SPMIP6: variants seen among roughly 807,000 people sequenced by gnomAD.
The protein encoded by SPMIP6 is ciliated bronchial epithelial protein 1.
At chr9:34,380,941 G>A in the SPMIP6 span, 4 of 1,599,180 alleles carry the variant, frequency 2.5e-6, no homozygotes, top group Non-Finnish European at 3.4e-6. Flanking sequence ...GGCGGCGGTC[G>A]GTGCAGGGCG....
At chr9:34,379,507 A>T in the SPMIP6 span, 1 of 797,310 alleles carries the variant, frequency 1.3e-6, no homozygotes, top group African/African-American at 1.7e-5. This position sits in a 1 kb window ranked among gnomAD's most constrained non-coding sequence, Gnocchi z 4.2. Flanking sequence ...GCTCCATGCC[A>T]CTAGCTCCCC....
the SPMIP6 span, among the ~76,000 whole-genome samples, chr9:34,391,545 ATTG>A: frequency 6.6e-6 from 1 of 152,096 alleles, no homozygotes; most frequent in Non-Finnish European, 1.5e-5. Context: ...TACAGCTTTT[ATTG>A]TACCCCACAA....
the SPMIP6 span, among the ~76,000 whole-genome samples, chr9:34,397,331 G>A: frequency 6.6e-6 from 1 of 152,120 alleles, no homozygotes; most frequent in African/African-American, 2.4e-5. Context: ...GTAATTCCAT[G>A]AAGGCAGGAT....
At chr9:34,387,330 G>T in the SPMIP6 span, among the ~76,000 whole-genome samples, 2 of 152,116 alleles carry the variant, frequency 1.3e-5, no homozygotes, top group African/African-American at 4.8e-5. Flanking sequence ...AGACCTGGTT[G>T]CTCCAAGTGC....
the SPMIP6 span, among the ~76,000 whole-genome samples, chr9:34,389,018 A>G: frequency 2.1e-5 from 3 of 143,056 alleles, no homozygotes; most frequent in East Asian, 6.2e-4. Context: ...TGCAGTCTCT[A>G]CCTCCTGGGC....
the SPMIP6 span, among the ~76,000 whole-genome samples, chr9:34,395,272 T>C: frequency 6.6e-6 from 1 of 152,194 alleles, no homozygotes; most frequent in Non-Finnish European, 1.5e-5. Flanking sequence ...TGGCTTTTCC[T>C]TCATTCTTAA....
At chr9:34,397,553 C>CCTTGATGGAGTGGG in the SPMIP6 span, 14 of 1,613,922 alleles carry the variant, frequency 8.7e-6, no homozygotes, top group Admixed American at 2.3e-4. Flanking sequence ...CCTTATAGAC[C>CCTTGATGGAGTGGG]TCCTTGATGG....
At chr9:34,397,522 C>T in the SPMIP6 span, 19 of 1,614,180 alleles carry the variant, frequency 1.2e-5, no homozygotes, top group South Asian at 2.1e-4. Flanking sequence ...TTGTTGGCTT[C>T]CCAGGCACAC....
At chr9:34,389,072 C>A in the SPMIP6 span, among the ~76,000 whole-genome samples, 2 of 151,800 alleles carry the variant, frequency 1.3e-5, no homozygotes, top group Admixed American at 1.3e-4. Context: ...GCTGGGACTA[C>A]AGGTGCACAC....
At chr9:34,382,144 C>T in the SPMIP6 span, among the ~76,000 whole-genome samples, 1 of 152,120 alleles carries the variant, frequency 6.6e-6, no homozygotes, top group African/African-American at 2.4e-5. Flanking sequence ...TGGCAAGCTT[C>T]GGAAAGGTAG....
At chr9:34,381,848 G>C in the SPMIP6 span, 1 of 920,668 alleles carries the variant, frequency 1.1e-6, no homozygotes, top group Non-Finnish European at 1.3e-6. The surrounding 1 kb of genome is among the most constrained non-coding windows in gnomAD (Gnocchi z 4.4). Flanking sequence ...AATTCAAAAG[G>C]GTTCCATCAA....
the SPMIP6 span, among the ~76,000 whole-genome samples, chr9:34,388,135 T>G: frequency 8.8e-6 from 1 of 113,578 alleles, no homozygotes; most frequent in Non-Finnish European, 1.8e-5. Context: ...TTAGTGAGTT[T>G]AACTGCTTTT....
the SPMIP6 span, among the ~76,000 whole-genome samples, chr9:34,384,363 C>T: frequency 6.6e-6 from 1 of 152,146 alleles, no homozygotes; most frequent in Non-Finnish European, 1.5e-5. Flanking sequence ...CATGTTTCCA[C>T]AGTGGATGCA....
chr9:34,397,357 A>G, the SPMIP6 span: 7 of 910,996 alleles, frequency 7.7e-6, no homozygotes, highest in African/African-American at 4.9e-5. Flanking sequence ...GCTGTTTTAC[A>G]TACCATTGTA....
At chr9:34,388,704 C>T in the SPMIP6 span, among the ~76,000 whole-genome samples, 1 of 152,114 alleles carries the variant, frequency 6.6e-6, no homozygotes, top group South Asian at 2.1e-4. Flanking sequence ...TTCCTTCTCA[C>T]TCTCCTTGTG....
At chr9:34,379,824 T>C in the SPMIP6 span, 9 of 972,312 alleles carry the variant, frequency 9.3e-6, no homozygotes, top group East Asian at 2.2e-4. This position sits in a 1 kb window ranked among gnomAD's most constrained non-coding sequence, Gnocchi z 4.2. Flanking sequence ...GCGCTTCAGG[T>C]GTCCGTCCCA....
At chr9:34,393,845 G>T in the SPMIP6 span, among the ~76,000 whole-genome samples, 1 of 152,000 alleles carries the variant, frequency 6.6e-6, no homozygotes, top group Non-Finnish European at 1.5e-5. Context: ...CAGCTGTGTT[G>T]ACTCTACTCT....
At chr9:34,393,933 T>A in the SPMIP6 span, among the ~76,000 whole-genome samples, 1 of 152,312 alleles carries the variant, frequency 6.6e-6, no homozygotes, top group Middle Eastern at 3.4e-3. Flanking sequence ...CTTTTTACAT[T>A]TGCCTACTCA....
the SPMIP6 span, among the ~76,000 whole-genome samples, chr9:34,387,029 G>A: frequency 7.9e-6 from 1 of 126,310 alleles, no homozygotes; most frequent in African/African-American, 3.0e-5. Flanking sequence ...TGATCCTTAT[G>A]ATTTTTTTTT....
Sources: allele counts gnomAD v4.1 joint callset (sites outside exome capture counted in the v4.1 genomes callset), GRCh38; gene constraint gnomAD v4.1.1; non-coding constraint Gnocchi (gnomAD v3.1); transcripts MANE v1.5; gene names NCBI Gene and HGNC (gene_info 2026-07-23, HGNC 2026-07-21).